DLG5: variants seen among roughly 807,000 people sequenced by gnomAD.
The protein encoded by DLG5 is disks large homolog 5.
DLG5 carries 48 observed loss-of-function variants against 189.8 expected under a neutral mutation model. That is an observed-to-expected ratio of 0.25 (90% CI 0.20 to 0.32). DLG5 has a LOEUF of 0.32. Among genes scored for constraint, DLG5 ranks in the 10% least tolerant of loss-of-function variants. The pLI, the probability that DLG5 is intolerant of heterozygous loss-of-function variation, is 1.00. For missense variants in DLG5, 2,160 were observed against 2,544.7 expected, an observed-to-expected ratio of 0.85 and a Z score of 3.25; for synonymous variants, 1,016 against 1,054.1, an observed-to-expected ratio of 0.96 and a Z score of 0.70.
intron 7 of DLG5, among the ~76,000 whole-genome samples, chr10:77,837,449 G>A (rs1369064778): frequency 6.6e-6 from 1 of 152,142 alleles, no homozygotes; most frequent in African/African-American, 2.4e-5. Context: ...CAGGAGGTGG[G>A]CAGCTCCCCC....
intron 1 of DLG5, among the ~76,000 whole-genome samples, chr10:77,896,930 CA>C (rs1449229209): frequency 6.6e-6 from 1 of 151,344 alleles, no homozygotes; most frequent in Non-Finnish European, 1.5e-5. Context: ...TGAACATTTT[CA>C]AAACAAAATG....
chr10:77,805,790 A>G lies in DLG5; in HGVS notation c.5039T>C (p.Leu1680Pro). 2 of 1,614,198 alleles carry G rather than the reference A, an allele frequency of 1.2e-6. No homozygotes were observed. The highest frequency in any genetic ancestry group is 1.7e-6 in the Non-Finnish European group (2 of 1,180,044). Residue 1680 changes from leucine (L) to proline (P), a missense_variant, in exon 27 of 32, where the codon CTG (leucine) becomes CCG (proline). Transcript: ENST00000372391. The stretch of plus-strand genomic sequence containing the variant: ...AAAGGACCGGCGTGCAGCCGCTGAC[A>G]GCGTCTTTGTGGCGCTATTGTCATC... ...VKDDNSATKT[L>P]SAAARRSFFR...
chr10:77,799,715 C>T (rs1157727514), intron 27 of DLG5, among the ~76,000 whole-genome samples: 1 of 152,152 alleles, frequency 6.6e-6, no homozygotes, highest in Non-Finnish European at 1.5e-5. Flanking sequence ...CTTAGGTGAT[C>T]CTCCAGCCTC....
At chr10:77,883,831 G>C (rs973436405) in intron 1 of DLG5, among the ~76,000 whole-genome samples, 1 of 151,640 alleles carries the variant, frequency 6.6e-6, no homozygotes, top group African/African-American at 2.4e-5. Flanking sequence ...CAAGTAACTG[G>C]GATTACAGGT....
intron 9 of DLG5, among the ~76,000 whole-genome samples, chr10:77,832,191 CA>C (rs911895882): frequency 5.5e-5 from 8 of 146,012 alleles, no homozygotes; most frequent in African/African-American, 5.0e-5. Flanking sequence ...CTGGGCATCT[CA>C]AAAAAAAAAA....
chr10:77,841,207 A>G (rs1357745621), intron 7 of DLG5, among the ~76,000 whole-genome samples: 1 of 152,140 alleles, frequency 6.6e-6, no homozygotes, highest in Non-Finnish European at 1.5e-5. Context: ...TAGGGCAAGG[A>G]GCTCCGCGAT....
intron 16 of DLG5, 199 bp downstream of exon 16, chr10:77,819,696 A>G (rs906479303): frequency 4.6e-5 from 50 of 1,081,944 alleles, no homozygotes; most frequent in Non-Finnish European, 5.9e-5. Flanking sequence ...TGCTATGGGG[A>G]GAAAGCATGT....
intron 9 of DLG5, among the ~76,000 whole-genome samples, chr10:77,833,463 T>C (rs930972619): frequency 2.6e-5 from 4 of 152,236 alleles, no homozygotes; most frequent in African/African-American, 7.2e-5. Context: ...GGAAAGGGAC[T>C]TGGTATGCTT....
At chr10:77,925,971 T>C (rs556715839) in intron 1 of DLG5, among the ~76,000 whole-genome samples, 3 of 152,284 alleles carry the variant, frequency 2.0e-5, no homozygotes, top group Admixed American at 2.0e-4. Context: ...CCGGGGACCC[T>C]GTCGTCGAGG....
intron 9 of DLG5, among the ~76,000 whole-genome samples, chr10:77,833,294 C>T (rs972290511): frequency 1.3e-5 from 2 of 151,994 alleles, no homozygotes; most frequent in Non-Finnish European, 2.9e-5. Context: ...TCCAAATGGA[C>T]GTCCAAATAA....
chr10:77,835,731 C>A lies in DLG5; in HGVS notation c.1622+7G>T. 1 of 1,607,258 alleles carries A rather than the reference C, an allele frequency of 6.2e-7. No individual in the cohort carries two copies. Among genetic ancestry groups the A allele is most frequent in the Non-Finnish European group, 8.5e-7 (1 of 1,178,032 alleles). On this transcript the variant is annotated splice_region_variant and intron_variant, in intron 8 of 31. Transcript: ENST00000372391. ...CAAGCCCACGCCAGCTTGAGGTCAC[C>A]CCATACCGGATGCTGTCACGCTCTG...
chr10:77,862,525 G>T (rs574699313), intron 2 of DLG5, among the ~76,000 whole-genome samples: 2 of 152,320 alleles, frequency 1.3e-5, no homozygotes, highest in East Asian at 3.8e-4. Context: ...AAGTCATGCA[G>T]CCACTTCAGA....
At chr10:77,883,134 T>A (rs944443749) in intron 1 of DLG5, among the ~76,000 whole-genome samples, 3 of 152,030 alleles carry the variant, frequency 2.0e-5, no homozygotes, top group African/African-American at 7.2e-5. Flanking sequence ...AGGTATGAGC[T>A]TCAGGAACCT....
chr10:77,896,360 G>C (rs1231678185), intron 1 of DLG5, among the ~76,000 whole-genome samples: 1 of 152,170 alleles, frequency 6.6e-6, no homozygotes, highest in Non-Finnish European at 1.5e-5. Context: ...CTATAGACTA[G>C]AGGATATAAT....
chr10:77,912,815 C>T (rs1406266205), intron 1 of DLG5, among the ~76,000 whole-genome samples: 3 of 152,218 alleles, frequency 2.0e-5, no homozygotes, highest in Non-Finnish European at 4.4e-5. Flanking sequence ...GCTCAGCTCA[C>T]GCAAAGCAAG....
upstream of DLG5, chr10:77,929,107 A>T (rs959928447): frequency 1.5e-4 from 23 of 152,068 alleles, no homozygotes; most frequent in African/African-American, 5.6e-4. Context: ...GGGCAAACAC[A>T]GTTCACTGCA....
At chr10:77,898,770 G>A (rs772590850) in intron 1 of DLG5, among the ~76,000 whole-genome samples, 6 of 152,224 alleles carry the variant, frequency 3.9e-5, no homozygotes, top group Non-Finnish European at 8.8e-5. Context: ...GAGAGGGCCA[G>A]GCAGGCGGTA....
intron 1 of DLG5, among the ~76,000 whole-genome samples, chr10:77,878,568 A>G (rs1845177405): frequency 6.6e-6 from 1 of 152,144 alleles, no homozygotes; most frequent in African/African-American, 2.4e-5. Flanking sequence ...GAAGCTCTGC[A>G]TTGAGTACTC....
chr10:77,828,300 A>G (rs978703983), intron 13 of DLG5, among the ~76,000 whole-genome samples: 5 of 152,116 alleles, frequency 3.3e-5, no homozygotes, highest in African/African-American at 1.2e-4. Context: ...AGCCTGGCCA[A>G]CATGGTGAAA....
Sources: allele counts gnomAD v4.1 joint callset (sites outside exome capture counted in the v4.1 genomes callset), GRCh38; gene constraint gnomAD v4.1.1; transcripts MANE v1.5; gene names NCBI Gene and HGNC (gene_info 2026-07-23, HGNC 2026-07-21).